The following TPD52L1 variants were observed in gnomAD, a reference collection of about 807,000 sequenced individuals.
The protein encoded by TPD52L1 is tumor protein D53.
A neutral mutation model predicts 28.7 loss-of-function variants in TPD52L1; 18 were observed. That is an observed-to-expected ratio of 0.63 (90% confidence interval 0.43 to 0.93). The LOEUF is 0.93. TPD52L1 is among the 40% of genes least tolerant of loss of function. The pLI, the probability that TPD52L1 is intolerant of heterozygous loss-of-function variation, is 0.00. For synonymous variants in TPD52L1, 75 were observed against 88.8 expected, an observed-to-expected ratio of 0.84 and a Z score of 0.88; for missense variants, 203 against 254.8, an observed-to-expected ratio of 0.80 and a Z score of 1.39.
At chr6:125,160,600 C>T (rs1790453971) in intron 1 of TPD52L1, among the ~76,000 whole-genome samples, 1 of 152,206 alleles carries the variant, frequency 6.6e-6, no homozygotes, top group African/African-American at 2.4e-5. Flanking sequence ...TCACCAGCTA[C>T]ATTAGCCCCT....
intron 6 of TPD52L1, chr6:125,260,976 GAAAAGAAAAGAAAGAAA>G (rs1797949386): frequency 1.2e-5 from 1 of 83,582 alleles, no homozygotes; most frequent in African/African-American, 4.3e-5. Context: ...AAGAAAGAAA[GAAAAGAAAAGAAAGAAA>G]GAAAGAAAGA....
At chr6:125,172,524 A>ATTATATATATATATATATATATAT (rs573060560) in intron 1 of TPD52L1, among the ~76,000 whole-genome samples, 1 of 76,472 alleles carries the variant, frequency 1.3e-5, no homozygotes, top group Non-Finnish European at 2.2e-5. Flanking sequence ...ATATATATAT[A>ATTATATATATATATATATATATAT]TATATATATA....
At chr6:125,244,499 G>A (rs559753748) in intron 3 of TPD52L1, among the ~76,000 whole-genome samples, 124 of 152,254 alleles carry the variant, frequency 8.1e-4, no homozygotes, top group African/African-American at 2.8e-3. Flanking sequence ...CCTTATTCCT[G>A]TCCCAGTGTT....
intron 2 of TPD52L1, among the ~76,000 whole-genome samples, chr6:125,224,057 G>GA (rs1554212130): frequency 6.8e-6 from 1 of 147,608 alleles, no homozygotes; most frequent in Non-Finnish European, 1.5e-5. Flanking sequence ...TTACACACCT[G>GA]TTTTTTTTTT....
chr6:125,176,921 C>G (rs1423945436), intron 1 of TPD52L1, among the ~76,000 whole-genome samples: 8 of 152,012 alleles, frequency 5.3e-5, no homozygotes, highest in African/African-American at 1.9e-4. Context: ...GCCTGAAGTC[C>G]CAGCTGCCTG....
intron 1 of TPD52L1, among the ~76,000 whole-genome samples, chr6:125,164,815 T>C (rs762331025): frequency 5.9e-5 from 9 of 152,086 alleles, no homozygotes; most frequent in Non-Finnish European, 1.2e-4. Context: ...TTTTCACGGT[T>C]TGAAGCAGCA....
chr6:125,210,120 G>A (rs915680104), intron 1 of TPD52L1, among the ~76,000 whole-genome samples: 21 of 152,284 alleles, frequency 1.4e-4, no homozygotes, highest in African/African-American at 4.8e-4. Flanking sequence ...GGACGTTCAG[G>A]AGAAGTCAAA....
intron 1 of TPD52L1, among the ~76,000 whole-genome samples, chr6:125,207,607 T>C (rs1029448422): frequency 1.3e-5 from 2 of 152,236 alleles, no homozygotes; most frequent in Non-Finnish European, 2.9e-5. Flanking sequence ...AAAGGTTTGC[T>C]TACTGCCTAT....
chr6:125,257,299 A>G (rs2115061094), intron 6 of TPD52L1, 141 bp downstream of exon 6: 1 of 607,156 alleles, frequency 1.6e-6, no homozygotes, highest in East Asian at 2.8e-5. Flanking sequence ...ATATAAATCT[A>G]TGAATAAAAC....
intron 1 of TPD52L1, among the ~76,000 whole-genome samples, chr6:125,161,934 T>C (rs1467195362): frequency 6.6e-6 from 1 of 152,066 alleles, no homozygotes; most frequent in Non-Finnish European, 1.5e-5. Flanking sequence ...TTTGTAAAAA[T>C]AATATCTGTG....
chr6:125,231,895 G>C (rs190513122), intron 3 of TPD52L1, among the ~76,000 whole-genome samples: 42 of 152,270 alleles, frequency 2.8e-4, no homozygotes, highest in African/African-American at 8.2e-4. Context: ...AGGTAGTGAA[G>C]ATTCAGTAAG....
intron 2 of TPD52L1, among the ~76,000 whole-genome samples, chr6:125,225,850 A>C (rs1347984649): frequency 6.6e-6 from 1 of 152,074 alleles, no homozygotes; most frequent in Non-Finnish European, 1.5e-5. Flanking sequence ...AAGGCCTTGA[A>C]CTCTCAGGGC....
At chr6:125,162,746 A>T (rs373350772) in intron 1 of TPD52L1, among the ~76,000 whole-genome samples, 37 of 152,332 alleles carry the variant, frequency 2.4e-4, no homozygotes, top group African/African-American at 8.4e-4. Context: ...TAGGATTGTT[A>T]TGGGGATTTA....
intron 1 of TPD52L1, among the ~76,000 whole-genome samples, chr6:125,181,000 A>T (rs1429459839): frequency 6.6e-6 from 1 of 152,176 alleles, no homozygotes; most frequent in Non-Finnish European, 1.5e-5. Context: ...AGCTAGAACC[A>T]GAGGAAGGGG....
At chr6:125,179,436 A>T (rs902887429) in intron 1 of TPD52L1, among the ~76,000 whole-genome samples, 1 of 152,218 alleles carries the variant, frequency 6.6e-6, no homozygotes, top group African/African-American at 2.4e-5. Context: ...GTGAAAAGGA[A>T]TTATAAGAAT....
At chr6:125,226,971 T>C (rs2114981171) in intron 2 of TPD52L1, among the ~76,000 whole-genome samples, 1 of 152,280 alleles carries the variant, frequency 6.6e-6, no homozygotes, top group East Asian at 1.9e-4. Context: ...TCTTTACTGG[T>C]CCCTAAACAT....
chr6:125,243,853 A>T (rs1261615791), intron 3 of TPD52L1, among the ~76,000 whole-genome samples: 2 of 152,114 alleles, frequency 1.3e-5, no homozygotes, highest in African/African-American at 2.4e-5. Context: ...GTGACCTTTC[A>T]TGGGTGTTAT....
chr6:125,156,942 T>G (rs1582820111), intron 1 of TPD52L1, among the ~76,000 whole-genome samples: 1 of 152,206 alleles, frequency 6.6e-6, no homozygotes, highest in Non-Finnish European at 1.5e-5. Context: ...ATTTTCATTT[T>G]CAGACTTTTT....
At chr6:125,180,151 GC>G (rs1792092040) in intron 1 of TPD52L1, among the ~76,000 whole-genome samples, 1 of 152,128 alleles carries the variant, frequency 6.6e-6, no homozygotes, top group Non-Finnish European at 1.5e-5. Flanking sequence ...GTACTCAGAG[GC>G]TTTGGGAGTC....
Sources: gnomAD v4.1 joint callset for allele counts (sites outside exome capture counted in the v4.1 genomes callset) on GRCh38, gnomAD v4.1.1 for gene constraint, MANE v1.5 for transcripts, NCBI Gene and HGNC (gene_info 2026-07-23, HGNC 2026-07-21) for gene names.